STK3: variants seen among roughly 807,000 people sequenced by gnomAD.
STK3 encodes the protein serine/threonine-protein kinase 3.
A neutral mutation model predicts 58.0 loss-of-function variants in STK3; 41 were observed. The observed-to-expected ratio is 0.71, with a 90% confidence interval of 0.55 to 0.92. The LOEUF (loss-of-function observed/expected upper bound fraction) is 0.92. STK3 is among the 40% of genes least tolerant of loss of function. The probability of loss-of-function intolerance (pLI) is 0.00; values close to 1 mark genes in which losing one functional copy is unlikely to be tolerated. For synonymous variants in STK3, 170 were observed against 191.0 expected (o/e 0.89, Z 0.91); for missense variants, 479 against 602.7 (o/e 0.79, Z 2.15).
chr8:98,395,037 G>T (rs1379267479), intron 3 of STK3, among the ~76,000 whole-genome samples: 1 of 152,200 alleles, frequency 6.6e-6, no homozygotes, highest in South Asian at 2.1e-4. Context: ...CAGGGTGGTG[G>T]TGTCTCTGTC....
chr8:98,930,732 T>C (rs1361095948), intron 1 of STK3, among the ~76,000 whole-genome samples: 1 of 152,238 alleles, frequency 6.6e-6, no homozygotes, highest in Non-Finnish European at 1.5e-5. Flanking sequence ...TGTTGTCTTC[T>C]AGAATTTGAA....
At chr8:98,737,791 T>A (rs1032630042) in intron 4 of STK3, among the ~76,000 whole-genome samples, 2 of 152,136 alleles carry the variant, frequency 1.3e-5, no homozygotes, top group Non-Finnish European at 2.9e-5. Flanking sequence ...CATTGCAACC[T>A]CTGCCCCGCA....
the STK3 span, among the ~76,000 whole-genome samples, chr8:98,361,872 G>T: frequency 6.6e-6 from 1 of 152,158 alleles, no homozygotes; most frequent in Non-Finnish European, 1.5e-5. Flanking sequence ...GGAGCCACAA[G>T]GGGGTTCTGT....
In STK3 at chr8:98,916,284, G is replaced by T. The variant is rs541011034; in HGVS notation, c.-79+26094C>A. Among the ~76,000 whole-genome samples, 20 of 152,200 alleles carry T rather than the reference G, an allele frequency of 1.3e-4. No homozygotes were observed. The South Asian group carries it at 3.3e-3, about 25-fold the overall frequency. ...CAAAAATTAGCTGGGTGTGGTGGCAGGCACCTGTAATCCCAGCTACTTGGG... is the reference window on the plus strand; with the variant it reads ...CAAAAATTAGCTGGGTGTGGTGGCATGCACCTGTAATCCCAGCTACTTGGG... On this transcript the variant is annotated intron_variant, in intron 1 of 1. Transcript: ENST00000519420.
the STK3 span, among the ~76,000 whole-genome samples, chr8:98,360,261 T>C: frequency 2.6e-5 from 4 of 152,180 alleles, no homozygotes; most frequent in African/African-American, 9.7e-5. Flanking sequence ...GGACACCTGG[T>C]ATCTCTCTCC....
At chr8:98,506,469 G>T (rs867524378) in intron 10 of STK3, among the ~76,000 whole-genome samples, 1 of 152,164 alleles carries the variant, frequency 6.6e-6, no homozygotes, top group East Asian at 1.9e-4. Flanking sequence ...AGAAATCACC[G>T]TCTTCTGCGT....
intron 1 of STK3, among the ~76,000 whole-genome samples, chr8:98,791,294 C>G (rs1295132732): frequency 6.6e-6 from 1 of 152,134 alleles, no homozygotes; most frequent in African/African-American, 2.4e-5. Flanking sequence ...ATGAAAACTA[C>G]AAAACACTGC....
At chr8:98,827,964 C>T (rs1835374574), upstream of STK3, among the ~76,000 whole-genome samples, 1 of 151,508 alleles carries the variant, frequency 6.6e-6, no homozygotes. Context: ...CTCTCATCTT[C>T]ACTTCCATGC....
intron 7 of STK3, among the ~76,000 whole-genome samples, chr8:98,585,785 G>C (rs1814503193): frequency 6.6e-6 from 1 of 152,116 alleles, no homozygotes. Flanking sequence ...GCAGGGGTTT[G>C]TAGTTCTCCT....
Position 98,455,534 on chromosome 8 carries a change from C to T in STK3, c.*308G>A, listed in dbSNP as rs1387126235. The T allele has an allele frequency of 1.1e-5, 4 of 348,264 alleles. No homozygotes were observed. Among genetic ancestry groups the T allele is most frequent in the South Asian group, 6.8e-5 (2 of 29,276 alleles). 21.6% of individuals were successfully genotyped at this position (348,264 alleles called of 1,614,324 possible). On this transcript the variant is annotated 3_prime_UTR_variant, in exon 11 of 11. Coordinates refer to ENST00000419617, the MANE Select transcript of STK3 (RefSeq NM_006281.4). ...AGCCCTTCAGTGCTGTACAATGCAA[C>T]AATAGCTTTGGATTTTCAAGGTTTA...
chr8:98,865,084 C>T (rs1008741547), intron 3 of STK3, among the ~76,000 whole-genome samples: 1 of 152,130 alleles, frequency 6.6e-6, no homozygotes, highest in African/African-American at 2.4e-5. Context: ...AGAAGCCATA[C>T]AGCATTTATT....
chr8:98,451,696 T>G (rs959639484), downstream of STK3, among the ~76,000 whole-genome samples: 1 of 151,998 alleles, frequency 6.6e-6, no homozygotes, highest in Admixed American at 6.6e-5. Context: ...AGAAGGTAGT[T>G]GGCTGAGGTT....
At position 98,749,556 on chromosome 8, in the gene STK3, A is replaced by C. The variant is rs369680723; in HGVS notation, c.237-166T>G. 2.0e-5 allele frequency among the ~76,000 whole-genome samples: 3 copies of C among 152,114 alleles called. No homozygotes were observed. In the South Asian group the frequency reaches 6.2e-4, roughly 31 times the overall value. On this transcript the variant is annotated intron_variant, in intron 3 of 10. Coordinates refer to ENST00000419617, the MANE Select transcript of STK3 (RefSeq NM_006281.4). ...AATATCTGGAGTTCACCAACTATGC[A>C]TAATTAGGCTTTACTTCATGGACGA... is the stretch of plus-strand genomic sequence containing the variant.
chr8:98,838,300 C>T (rs2131801475), intron 3 of STK3, among the ~76,000 whole-genome samples: 1 of 152,136 alleles, frequency 6.6e-6, no homozygotes, highest in East Asian at 1.9e-4. Context: ...ATGTTTCTTG[C>T]TTTAATCATT....
At chr8:98,513,588 C>G (rs1262775343) in intron 10 of STK3, among the ~76,000 whole-genome samples, 2 of 152,156 alleles carry the variant, frequency 1.3e-5, no homozygotes, top group Admixed American at 1.3e-4. Context: ...AACTTGTCTA[C>G]TTCTTATCTA....
At chr8:98,700,637 A>C (rs1825505845) in intron 6 of STK3, among the ~76,000 whole-genome samples, 1 of 152,224 alleles carries the variant, frequency 6.6e-6, no homozygotes, top group Non-Finnish European at 1.5e-5. Flanking sequence ...ATTTGACATA[A>C]ATCTTCCAAA....
chr8:98,360,775 C>T, the STK3 span, among the ~76,000 whole-genome samples: 1 of 152,176 alleles, frequency 6.6e-6, no homozygotes, highest in Non-Finnish European at 1.5e-5. Flanking sequence ...GTAAAGTAGT[C>T]AAGGCTAGTG....
chr8:98,755,798 C>T (rs1830252759), intron 3 of STK3, among the ~76,000 whole-genome samples: 1 of 152,196 alleles, frequency 6.6e-6, no homozygotes, highest in African/African-American at 2.4e-5. Context: ...AGGTACCAAT[C>T]TGTCTCGCTT....
chr8:98,559,809 CAAG>C (rs1218704628), intron 8 of STK3, among the ~76,000 whole-genome samples: 1 of 152,086 alleles, frequency 6.6e-6, no homozygotes. Context: ...ACTATGCTAT[CAAG>C]AAGTTTAGTT....
Sources: allele counts gnomAD v4.1 joint callset (sites outside exome capture counted in the v4.1 genomes callset), GRCh38; gene constraint gnomAD v4.1.1; transcripts MANE v1.5; gene names NCBI Gene and HGNC (gene_info 2026-07-23, HGNC 2026-07-21).